PPP3CA: variants seen among roughly 807,000 people sequenced by gnomAD.
PPP3CA encodes the protein CAM-PRP catalytic subunit.
In PPP3CA, 14 loss-of-function variants were observed where a neutral mutation model predicts 66.5. The ratio of observed to expected loss-of-function variants is 0.21; its 90% CI spans 0.14 to 0.33. The LOEUF (loss-of-function observed/expected upper bound fraction) is 0.33. Ranked by LOEUF, PPP3CA falls within the 10% of genes least tolerant of loss-of-function variation. The pLI, the probability that PPP3CA is intolerant of heterozygous loss-of-function variation, is 1.00. For synonymous variants in PPP3CA, 232 were observed against 226.2 expected (o/e 1.03, Z -0.23); for missense variants, 317 against 639.5 (o/e 0.50, Z 5.44).
chr4:101,113,645 TC>T (rs1202974595), intron 2 of PPP3CA, among the ~76,000 whole-genome samples: 1 of 152,132 alleles, frequency 6.6e-6, no homozygotes, highest in Non-Finnish European at 1.5e-5. Context: ...TCCTATTATC[TC>T]ATTCACCATT....
intron 1 of PPP3CA, among the ~76,000 whole-genome samples, chr4:101,239,111 A>G (rs1249543928): frequency 6.6e-6 from 1 of 152,070 alleles, no homozygotes; most frequent in African/African-American, 2.4e-5. Flanking sequence ...AACAAAACTT[A>G]TTTTTGCCAA....
chr4:101,256,690 AAC>A (rs1434296563), intron 1 of PPP3CA, among the ~76,000 whole-genome samples: 1 of 152,026 alleles, frequency 6.6e-6, no homozygotes, highest in Non-Finnish European at 1.5e-5. Context: ...CCTAATATGA[AAC>A]AGCTTTATGT....
intron 1 of PPP3CA, among the ~76,000 whole-genome samples, chr4:101,198,693 C>G (rs924013542): frequency 2.7e-4 from 41 of 152,192 alleles, no homozygotes; most frequent in African/African-American, 9.9e-4. Flanking sequence ...CAGGAGAGCA[C>G]CCCAGGGAGT....
chr4:101,051,278 T>C (rs1353247379), intron 10 of PPP3CA, among the ~76,000 whole-genome samples: 1 of 152,116 alleles, frequency 6.6e-6, no homozygotes, highest in Non-Finnish European at 1.5e-5. Context: ...TTTGTGGACA[T>C]TTATTGAACT....
chr4:101,279,542 T>C (rs770514442), intron 1 of PPP3CA, among the ~76,000 whole-genome samples: 8 of 152,164 alleles, frequency 5.3e-5, no homozygotes, highest in African/African-American at 9.7e-5. Context: ...CATGGGATAA[T>C]TGCTAAATGG....
intron 6 of PPP3CA, among the ~76,000 whole-genome samples, chr4:101,091,823 A>AATG: frequency 2.5e-5 from 1 of 39,746 alleles, no homozygotes; most frequent in South Asian, 9.5e-4. Flanking sequence ...TTCAGTATCT[A>AATG]ATAATAATAA....
chr4:101,172,364 G>A (rs944532689), intron 2 of PPP3CA, among the ~76,000 whole-genome samples: 4 of 152,054 alleles, frequency 2.6e-5, no homozygotes, highest in Non-Finnish European at 5.9e-5. Flanking sequence ...TACCCATCTT[G>A]CTTCTAATTC....
chr4:101,164,564 T>TTTTG (rs1553929956), intron 2 of PPP3CA, among the ~76,000 whole-genome samples: 4 of 150,494 alleles, frequency 2.7e-5, no homozygotes, highest in African/African-American at 9.8e-5. Context: ...GGATTTAAGT[T>TTTTG]TTTTTTTTTT....
intron 2 of PPP3CA, among the ~76,000 whole-genome samples, chr4:101,195,354 C>T (rs892753451): frequency 6.6e-6 from 1 of 151,892 alleles, no homozygotes; most frequent in Admixed American, 6.6e-5. Context: ...AAGTTCAGTG[C>T]TTCTCAAACT....
chr4:101,311,383 T>A (rs191339308), intron 1 of PPP3CA, among the ~76,000 whole-genome samples: 137 of 152,328 alleles, frequency 9.0e-4, no homozygotes, highest in African/African-American at 3.1e-3. Context: ...TTAAAAATCA[T>A]GAAAACTGAA....
intron 1 of PPP3CA, among the ~76,000 whole-genome samples, chr4:101,220,183 T>C (rs1445585449): frequency 6.6e-6 from 1 of 151,800 alleles, no homozygotes. Flanking sequence ...AGTGGCCTAC[T>C]TTTTATAAAA....
Position 101,063,309 on chromosome 4 carries a change from T to C in PPP3CA, c.1004A>G (p.Asn335Ser), listed in dbSNP as rs752223096. Residue 335 changes from asparagine to serine, a missense_variant, in exon 9 of 14, where the codon AAC (asparagine) becomes AGC (serine). Asn to Ser is a conservative substitution (Grantham distance 46). Around this residue, in one of 3 missense-constraint regions of PPP3CA, gnomAD observed 201 missense variants for 501.4 expected, o/e 0.40. Coordinates refer to ENST00000394854, the MANE Select transcript of PPP3CA (RefSeq NM_000944.5). The part of the protein sequence containing the change: ...ENNVMNIRQF[N>S]CSPHPYWLPN... ...AAGCCAGTATGGATGAGGAGAACAG[T>C]TGAATTGCCTGATATTCATAACATT... The C allele has an allele frequency of 1.2e-6, 2 of 1,611,148 alleles. No homozygotes were observed. Among genetic ancestry groups the C allele is most frequent in the African/African-American group, 1.3e-5 (1 of 74,778 alleles).
At chr4:101,299,904 C>A (rs1728323209) in intron 1 of PPP3CA, among the ~76,000 whole-genome samples, 1 of 152,210 alleles carries the variant, frequency 6.6e-6, no homozygotes, top group Non-Finnish European at 1.5e-5. Flanking sequence ...AAAAGGCATT[C>A]TTTGAACACA....
intron 2 of PPP3CA, among the ~76,000 whole-genome samples, chr4:101,194,918 C>G (rs1453495604): frequency 6.6e-6 from 1 of 151,912 alleles, no homozygotes; most frequent in African/African-American, 2.4e-5. Context: ...GAGAAGCATA[C>G]TTACACAAAA....
chr4:101,259,033 C>T lies in PPP3CA; in HGVS notation c.59-62917G>A, dbSNP rs375914034. Among the ~76,000 whole-genome samples the T allele has an allele frequency of 1.1e-4, 17 of 152,264 alleles. No homozygotes were observed. The South Asian group carries it at 3.3e-3, about 30-fold the overall frequency. On this transcript the variant is annotated intron_variant, in intron 1 of 13. Coordinates refer to ENST00000394854, the MANE Select transcript of PPP3CA (RefSeq NM_000944.5). ...TCAGCTCTGCTCTGGGTTTCTCCAT[C>T]TACCAAAAACAAGAACCAGAGGTGT...
intron 1 of PPP3CA, among the ~76,000 whole-genome samples, chr4:101,231,291 C>T (rs1443765244): frequency 6.6e-6 from 1 of 151,652 alleles, no homozygotes; most frequent in Non-Finnish European, 1.5e-5. Flanking sequence ...GGGAAGGCAG[C>T]AGTTTTTAGT....
chr4:101,042,173 C>CTTT lies in PPP3CA; in HGVS notation c.1157-1610_1157-1608dup, dbSNP rs558866853. ...GAAATGGCTAGAAAAAAGGTCTTTG[C>CTTT]TTTTTTTTTTTTTTTTTTTTGCCCT... is the stretch of plus-strand genomic sequence containing the variant. On this transcript the variant is annotated intron_variant, in intron 10 of 13. Transcript: ENST00000394854. Among the ~76,000 whole-genome samples the CTTT allele has an allele frequency of 2.5e-3, 230 of 91,136 alleles. 3 individuals are homozygous for CTTT. The highest frequency in any genetic ancestry group is 7.3e-3 in the African/African-American group (172 of 23,662). 59.8% of individuals were successfully genotyped at this position (91,136 alleles called of 152,430 possible).
At chr4:101,134,574 A>G (rs912740634) in intron 2 of PPP3CA, among the ~76,000 whole-genome samples, 1 of 152,212 alleles carries the variant, frequency 6.6e-6, no homozygotes, top group Admixed American at 6.5e-5. Context: ...AAACATGAGG[A>G]AACAACAGAT....
intron 1 of PPP3CA, among the ~76,000 whole-genome samples, chr4:101,254,379 G>A (rs1440920383): frequency 6.6e-6 from 1 of 151,846 alleles, no homozygotes; most frequent in East Asian, 1.9e-4. Flanking sequence ...TTATTTGCTG[G>A]TCACAGGTGT....
Sources: allele counts gnomAD v4.1 joint callset (sites outside exome capture counted in the v4.1 genomes callset), GRCh38; gene constraint gnomAD v4.1.1; regional missense constraint gnomAD v4.1.1; transcripts MANE v1.5; gene names NCBI Gene and HGNC (gene_info 2026-07-23, HGNC 2026-07-21).